The following SPIDR variants were observed in gnomAD, a reference collection of about 807,000 sequenced individuals.
SPIDR encodes the protein scaffold protein involved in DNA repair.
In SPIDR, 93 loss-of-function variants were observed where a neutral mutation model predicts 104.6. The observed-to-expected ratio is 0.89, with a 90% CI of 0.75 to 1.06. The LOEUF (loss-of-function observed/expected upper bound fraction) is 1.06. Ranked by LOEUF, SPIDR falls within the 50% of genes least tolerant of loss-of-function variation. The pLI is 0.00. For missense variants in SPIDR, 1,154 were observed against 1,111.2 expected (o/e 1.04, Z -0.55); for synonymous variants, 431 against 416.9 (o/e 1.03, Z -0.41).
chr8:47,647,616 A>AG (rs2070674174), intron 10 of SPIDR, among the ~76,000 whole-genome samples: 1 of 60,456 alleles, frequency 1.7e-5, no homozygotes, highest in African/African-American at 5.7e-5. Flanking sequence ...TCCATCTCGA[A>AG]AGAGAGAGAG....
chr8:47,344,790 C>T (rs1182796891), intron 5 of SPIDR, among the ~76,000 whole-genome samples: 6 of 152,142 alleles, frequency 3.9e-5, no homozygotes. Context: ...CTGTTCATGT[C>T]CTTTGCCCAC....
At chr8:47,374,640 A>G (rs1346906102) in intron 5 of SPIDR, among the ~76,000 whole-genome samples, 1 of 152,118 alleles carries the variant, frequency 6.6e-6, no homozygotes, top group Non-Finnish European at 1.5e-5. Flanking sequence ...ATTTAGTTTT[A>G]GATGTTTTCT....
chr8:47,346,830 A>G (rs973378475), intron 5 of SPIDR, among the ~76,000 whole-genome samples: 1 of 151,414 alleles, frequency 6.6e-6, no homozygotes, highest in East Asian at 1.9e-4. Flanking sequence ...TTTTTATTGC[A>G]TCTATTTGAT....
At chr8:47,417,276 T>C (rs1410380906) in intron 7 of SPIDR, among the ~76,000 whole-genome samples, 2 of 152,238 alleles carry the variant, frequency 1.3e-5, no homozygotes, top group African/African-American at 4.8e-5. Flanking sequence ...CTTCACATCC[T>C]CTCCAGCACC....
chr8:47,564,975 A>G (rs987334338), intron 8 of SPIDR, among the ~76,000 whole-genome samples: 3 of 151,908 alleles, frequency 2.0e-5, no homozygotes, highest in Non-Finnish European at 4.4e-5. Flanking sequence ...GGCCAGGCAC[A>G]CTCGCTCATG....
At chr8:47,705,169 G>A (rs1416951581) in intron 14 of SPIDR, among the ~76,000 whole-genome samples, 1 of 152,262 alleles carries the variant, frequency 6.6e-6, no homozygotes, top group Non-Finnish European at 1.5e-5. Flanking sequence ...TTGGAGGGGA[G>A]CTCTGGGGCA....
intron 11 of SPIDR, among the ~76,000 whole-genome samples, chr8:47,684,905 G>T (rs1019936182): frequency 6.6e-6 from 1 of 152,316 alleles, no homozygotes; most frequent in East Asian, 1.9e-4. Context: ...TGTACAGAGA[G>T]ATCTAGTTAA....
At chr8:47,475,414 A>C (rs551622060) in intron 8 of SPIDR, among the ~76,000 whole-genome samples, 1 of 152,360 alleles carries the variant, frequency 6.6e-6, no homozygotes, top group South Asian at 2.1e-4. Flanking sequence ...CTGTCATGTA[A>C]AGAAACAGAT....
chr8:47,671,734 G>A (rs879703532), intron 10 of SPIDR, among the ~76,000 whole-genome samples: 10 of 152,072 alleles, frequency 6.6e-5, no homozygotes, highest in East Asian at 1.9e-4. Context: ...GTCTTCTGGC[G>A]TCATTCATTG....
intron 1 of SPIDR, among the ~76,000 whole-genome samples, chr8:47,274,486 CT>C (rs2035964811): frequency 1.3e-5 from 2 of 152,064 alleles, no homozygotes; most frequent in Admixed American, 1.3e-4. Flanking sequence ...TGTAAAGTTC[CT>C]GCACGTTTTA....
chr8:47,532,749 G>A (rs745631467), intron 8 of SPIDR, among the ~76,000 whole-genome samples: 6 of 152,158 alleles, frequency 3.9e-5, no homozygotes, highest in South Asian at 2.1e-4. Flanking sequence ...CTCAATAAAG[G>A]CATTGTTGAA....
At chr8:47,628,887 G>A (rs1328421312) in intron 10 of SPIDR, among the ~76,000 whole-genome samples, 1 of 152,190 alleles carries the variant, frequency 6.6e-6, no homozygotes, top group Non-Finnish European at 1.5e-5. Flanking sequence ...TTCTCAAGTA[G>A]CTGAAAATCT....
At chr8:47,728,461 A>C (rs140906980) in intron 17 of SPIDR, among the ~76,000 whole-genome samples, 84 of 152,218 alleles carry the variant, frequency 5.5e-4, no homozygotes, top group African/African-American at 1.9e-3. Context: ...GGAAAAAAAA[A>C]ACACACACAA....
chr8:47,473,776 G>A lies in SPIDR; in HGVS notation c.1097+33234G>A, dbSNP rs78712650. ...ATATAGTCTTCATGTTTTCTCACAG[G>A]ATCTGGAAATTAGATCCCAACTGAT... On this transcript the variant is annotated intron_variant, in intron 8 of 19. Transcript: ENST00000297423. 2.8e-3 allele frequency among the ~76,000 whole-genome samples: 427 copies of A among 152,256 alleles called. 1 individual carries two copies. The highest frequency in any genetic ancestry group is 4.9e-3 in the Non-Finnish European group (336 of 68,038).
Position 47,572,673 on chromosome 8 carries a change from A to AAAATAAATAAGTAAAT in SPIDR, c.1098-23128_1098-23127insGTAAATAAATAAATAA, listed in dbSNP as rs1554807757. On this transcript the variant is annotated intron_variant, in intron 8 of 19. Transcript: ENST00000297423. Reference sequence around the variant, plus strand: ...CAAGACTCCATCTCAAAATTAAATTAAAATAAATAAATAAATAAATAAATA... The same window carrying AAAATAAATAAGTAAAT: ...CAAGACTCCATCTCAAAATTAAATTAAAATAAATAAGTAAATAAATAAATAAATAAATAAATAAATA... 2.1e-5 allele frequency among the ~76,000 whole-genome samples: 3 copies of AAAATAAATAAGTAAAT among 145,808 alleles called. 1 individual carries two copies. The East Asian group carries it at 6.1e-4, about 29-fold the overall frequency.
intron 8 of SPIDR, among the ~76,000 whole-genome samples, chr8:47,582,243 T>G (rs1003774461): frequency 2.0e-5 from 3 of 152,040 alleles, no homozygotes; most frequent in African/African-American, 2.4e-5. Flanking sequence ...AACTGCTTGT[T>G]TTTTAAGGTA....
intron 7 of SPIDR, among the ~76,000 whole-genome samples, chr8:47,411,733 C>T (rs1423742367): frequency 1.3e-5 from 2 of 152,110 alleles, no homozygotes; most frequent in Middle Eastern, 3.2e-3. Context: ...CTTGCCCATG[C>T]CCATGTCCTG....
rs555703338 is a variant in SPIDR, at chr8:47,673,867, G to T, written c.1611G>T (p.Ser537=). Residue 537 remains serine (S), a synonymous_variant, in exon 11 of 20, where the codon TCG becomes TCT. Transcript: ENST00000297423. ...AAGTGCACTTGGAGTTCACCATGTCGAAGGCAAGACAGTTGGAAGGGAAGT... is the reference window on the plus strand; with the variant it reads ...AAGTGCACTTGGAGTTCACCATGTCTAAGGCAAGACAGTTGGAAGGGAAGT... ...FGEVHLEFTM[S]KARQLEGKSC... The T allele has an allele frequency of 6.2e-7, 1 of 1,614,136 alleles. No homozygotes were observed. Among genetic ancestry groups the T allele is most frequent in the Non-Finnish European group, 8.5e-7 (1 of 1,180,024 alleles).
intron 8 of SPIDR, among the ~76,000 whole-genome samples, chr8:47,456,491 CA>C: frequency 6.6e-6 from 1 of 152,168 alleles, no homozygotes; most frequent in Middle Eastern, 3.4e-3. Context: ...TTTCTGTTCA[CA>C]ATGGAATGAA....
Sources: gnomAD v4.1 joint callset for allele counts (sites outside exome capture counted in the v4.1 genomes callset) on GRCh38, gnomAD v4.1.1 for gene constraint, MANE v1.5 for transcripts, NCBI Gene and HGNC (gene_info 2026-07-23, HGNC 2026-07-21) for gene names.